Variants in TPTE observed in about 807,000 individuals in gnomAD.
The protein encoded by TPTE is transmembrane phosphatase with tensin homology.
A neutral mutation model predicts 84.1 loss-of-function variants in TPTE; 59 were observed. That is an observed-to-expected ratio of 0.70 (90% confidence interval 0.57 to 0.87). The LOEUF (loss-of-function observed/expected upper bound fraction) is 0.87, where lower values mean the gene tolerates loss of function less well. TPTE is among the 40% of genes least tolerant of loss of function. TPTE has a pLI of 0.00. For missense variants in TPTE, 382 were observed against 659.6 expected, an observed-to-expected ratio of 0.58 and a Z score of 4.61; for synonymous variants, 130 against 223.5, an observed-to-expected ratio of 0.58 and a Z score of 3.73.
intron 1 of TPTE, among the ~76,000 whole-genome samples, chr21:10,523,692 T>C (rs868353431): frequency 6.6e-6 from 1 of 152,308 alleles, no homozygotes; most frequent in Non-Finnish European, 1.5e-5. Flanking sequence ...TAATCCAGTC[T>C]ATCATTGTTG....
intron 7 of TPTE, among the ~76,000 whole-genome samples, chr21:10,547,751 A>G (rs1419990388): frequency 6.6e-6 from 1 of 152,304 alleles, no homozygotes; most frequent in Non-Finnish European, 1.5e-5. Flanking sequence ...TAAAGCCACA[A>G]TCCCAGCTGT....
At chr21:10,602,176 C>G in intron 22 of TPTE, 26 bp downstream of exon 22, 1 of 1,594,844 alleles carries the variant, frequency 6.3e-7, no homozygotes, top group Non-Finnish European at 8.6e-7. Flanking sequence ...GTAGCCTCTG[C>G]CATTGTTCTT....
intron 8 of TPTE, among the ~76,000 whole-genome samples, chr21:10,552,926 G>A (rs1308194872): frequency 3.3e-5 from 5 of 152,306 alleles, no homozygotes; most frequent in Non-Finnish European, 5.9e-5. Context: ...AGAAATAAAT[G>A]TTCTTCTAGC....
intron 3 of TPTE, 126 bp from the exon 4 acceptor site, chr21:10,538,555 G>C: frequency 7.0e-7 from 1 of 1,421,880 alleles, no homozygotes; most frequent in Non-Finnish European, 9.8e-7. Context: ...GAACCAAATA[G>C]TGCTATACAC....
chr21:10,591,114 A>C (rs1199443146), intron 18 of TPTE, among the ~76,000 whole-genome samples: 10 of 152,266 alleles, frequency 6.6e-5, no homozygotes, highest in Admixed American at 1.3e-4. Flanking sequence ...TCACAACTCA[A>C]AACAAAGCCT....
At chr21:10,586,584 T>C (rs1273446884) in intron 17 of TPTE, among the ~76,000 whole-genome samples, 2 of 152,302 alleles carry the variant, frequency 1.3e-5, no homozygotes, top group Non-Finnish European at 2.9e-5. Context: ...TTAACTCTTC[T>C]GTTTTCCTAC....
At chr21:10,571,824 CG>C (rs1485666710) in intron 14 of TPTE, among the ~76,000 whole-genome samples, 1 of 152,256 alleles carries the variant, frequency 6.6e-6, no homozygotes, top group East Asian at 1.9e-4. Flanking sequence ...CTGATTAACA[CG>C]GCGAAATCCT....
chr21:10,563,466 TATA>T (rs1235983820), intron 10 of TPTE, among the ~76,000 whole-genome samples: 64 of 152,378 alleles, frequency 4.2e-4, no homozygotes, highest in African/African-American at 1.3e-3. Context: ...ACATAGATGG[TATA>T]ATAAGATATA....
At chr21:10,575,823 T>C (rs373928580) in intron 14 of TPTE, among the ~76,000 whole-genome samples, 1 of 151,306 alleles carries the variant, frequency 6.6e-6, no homozygotes, top group Non-Finnish European at 1.5e-5. Flanking sequence ...TCAACAAAAA[T>C]ATGAAAAAAA....
rs780335085 is a variant in TPTE at position 10,605,591 on chromosome 21, T to A, written c.*39T>A. 2.5e-6 allele frequency: 4 copies of A among 1,613,622 alleles called. No homozygotes were observed. The East Asian group carries it at 8.9e-5, about 36-fold the overall frequency. On this transcript the variant is annotated 3_prime_UTR_variant, in exon 24 of 24. Coordinates refer to ENST00000618007, the MANE Select transcript of TPTE (RefSeq NM_199261.4). ...TTCCCCTTCTGGGAAAGAATTATGT[T>A]CTTTCCAACCCTGCCACATGTTCAT...
At chr21:10,588,197 G>GT (rs56003123) in intron 17 of TPTE, among the ~76,000 whole-genome samples, 1,512 of 149,282 alleles carry the variant, frequency 0.01, no homozygotes, top group African/African-American at 0.014. Flanking sequence ...TTTCTTGAGT[G>GT]TTTTTTTTTT....
intron 13 of TPTE, among the ~76,000 whole-genome samples, chr21:10,570,267 G>A (rs1274954641): frequency 6.6e-6 from 1 of 152,304 alleles, no homozygotes; most frequent in Non-Finnish European, 1.5e-5. Context: ...GTTAGAACTA[G>A]TGGAGACTTA....
At chr21:10,532,493 C>A (rs1409198198) in intron 3 of TPTE, among the ~76,000 whole-genome samples, 2 of 152,422 alleles carry the variant, frequency 1.3e-5, no homozygotes, top group East Asian at 1.9e-4. Flanking sequence ...TTCTCCAGTT[C>A]AGTGACTTAT....
At chr21:10,546,261 T>C (rs1011325179) in intron 7 of TPTE, among the ~76,000 whole-genome samples, 4 of 152,306 alleles carry the variant, frequency 2.6e-5, no homozygotes, top group Non-Finnish European at 5.9e-5. Context: ...GTAATTGTTT[T>C]GGGGCAACAC....
intron 3 of TPTE, among the ~76,000 whole-genome samples, chr21:10,531,653 T>G (rs1473825197): frequency 2.0e-5 from 3 of 152,310 alleles, no homozygotes; most frequent in Non-Finnish European, 2.9e-5. Flanking sequence ...TTATGTGCTC[T>G]AATCCGTCAT....
intron 8 of TPTE, among the ~76,000 whole-genome samples, chr21:10,557,155 G>T (rs1262203710): frequency 2.0e-5 from 3 of 152,304 alleles, no homozygotes; most frequent in Admixed American, 6.5e-5. Flanking sequence ...AGCACTTTGA[G>T]TAATTGTTTT....
chr21:10,563,404 TAGAG>T (rs1178079784), intron 10 of TPTE, among the ~76,000 whole-genome samples: 10 of 152,414 alleles, frequency 6.6e-5, no homozygotes, highest in South Asian at 6.2e-4. Context: ...TTACTCTAAG[TAGAG>T]AGACTAAACT....
Position 10,548,870 on chromosome 21 carries a change from G to T in TPTE, c.174-3787G>T, listed in dbSNP as rs1440721846. 5.9e-5 allele frequency among the ~76,000 whole-genome samples: 9 copies of T among 152,428 alleles called. No individual in the cohort carries two copies. In the East Asian group the frequency reaches 1.7e-3, roughly 29 times the overall value. ...GCCTGCATCCTGGGCCTGAGAAACT[G>T]TCCTGCAAAGCACATCTGGAAGTCA... On this transcript the variant is annotated intron_variant, in intron 7 of 23. Coordinates refer to ENST00000618007, the MANE Select transcript of TPTE (RefSeq NM_199261.4).
intron 9 of TPTE, 144 bp downstream of exon 9, chr21:10,559,688 A>G: frequency 8.8e-7 from 1 of 1,136,066 alleles, no homozygotes; most frequent in East Asian, 2.4e-5. Flanking sequence ...AGCCTGGCTA[A>G]CATGGTGAAA....
Sources: allele counts gnomAD v4.1 joint callset (sites outside exome capture counted in the v4.1 genomes callset), GRCh38; gene constraint gnomAD v4.1.1; transcripts MANE v1.5; gene names NCBI Gene and HGNC (gene_info 2026-07-23, HGNC 2026-07-21).